SPATC1: variants seen among roughly 807,000 people sequenced by gnomAD.
SPATC1 encodes speriolin.
Under a neutral mutation model 36.5 loss-of-function variants are expected in SPATC1, and 35 were observed. That is an observed-to-expected ratio of 0.96 (90% CI 0.73 to 1.27). The LOEUF (loss-of-function observed/expected upper bound fraction) is 1.27. Among genes scored for constraint, SPATC1 ranks in the 50% most tolerant of loss-of-function variants. SPATC1 has a pLI of 0.00. For missense variants in SPATC1, 779 were observed against 796.0 expected, an observed-to-expected ratio of 0.98 and a Z score of 0.26; for synonymous variants, 361 against 353.6, an observed-to-expected ratio of 1.02 and a Z score of -0.24.
chr8:144,019,041 CAAAAAA>C (rs1212175839), intron 1 of SPATC1, among the ~76,000 whole-genome samples: 1 of 56,370 alleles, frequency 1.8e-5, no homozygotes, highest in African/African-American at 5.9e-5. Context: ...GACTCCGTCT[CAAAAAA>C]AAAAAAAAAA....
chr8:144,036,184 A>T (rs940757992), intron 1 of SPATC1, among the ~76,000 whole-genome samples: 8 of 152,298 alleles, frequency 5.3e-5, no homozygotes, highest in African/African-American at 1.7e-4. Flanking sequence ...CTGAGGCAGG[A>T]GGATTGCTTG....
chr8:144,045,275 T>A lies in SPATC1; in HGVS notation c.1447-1352T>A, dbSNP rs1835228945. Among the ~76,000 whole-genome samples the A allele has an allele frequency of 6.6e-6, 1 of 152,096 alleles. No homozygotes were observed. Among genetic ancestry groups the A allele is most frequent in the Non-Finnish European group, 1.5e-5 (1 of 68,034 alleles). On this transcript the variant is annotated intron_variant, in intron 4 of 4. Transcript: ENST00000377470. This position sits in a 1 kb window ranked among gnomAD's most constrained non-coding sequence, Gnocchi z 5.2. ...CTAGAAGGCTCAGGAGCCAAGAACC[T>A]CCAGCTGGGGAGAGACAGGCGCATC...
At chr8:144,030,825 C>G (rs1834778983) in intron 1 of SPATC1, among the ~76,000 whole-genome samples, 1 of 151,928 alleles carries the variant, frequency 6.6e-6, no homozygotes, top group African/African-American at 2.4e-5. Flanking sequence ...CTGGGGGTCA[C>G]AATAAACATC....
chr8:144,044,502 G>A (rs147260558), intron 4 of SPATC1, among the ~76,000 whole-genome samples: 74 of 150,762 alleles, frequency 4.9e-4, no homozygotes, highest in African/African-American at 1.6e-3. Flanking sequence ...TAAAGACGGG[G>A]TTTCACAGTG....
At position 144,046,934 on chromosome 8, in the gene SPATC1, G is replaced by C; in HGVS notation, c.1754G>C (p.Gly585Ala). The change falls in exon 5 of 5, where the codon GGC (glycine) becomes GCC (alanine). Residue 585 changes from glycine (G) to alanine (A), a missense_variant. Physicochemically the swap from Gly to Ala is moderately conservative, Grantham distance 60. Transcript: ENST00000377470. The surrounding 1 kb of genome is among the most constrained non-coding windows in gnomAD (Gnocchi z 6.6). ...SCLSQLAHDD[G>A]KPMFIW ...CTCAGCCAGCTGGCGCACGATGACG[G>C]CAAGCCCATGTTCATCTGGTGACGC... 3 of 1,597,840 alleles carry C rather than the reference G, an allele frequency of 1.9e-6. No individual in the cohort carries two copies. The highest frequency in any genetic ancestry group is 1.3e-5 in the African/African-American group (1 of 75,040).
At chr8:144,025,585 G>A (rs1029318915) in intron 1 of SPATC1, among the ~76,000 whole-genome samples, 6 of 152,106 alleles carry the variant, frequency 3.9e-5, no homozygotes, top group Non-Finnish European at 7.3e-5. Flanking sequence ...AATATCATGC[G>A]ACGGGACTGA....
chr8:144,033,695 T>C (rs1208902319), intron 1 of SPATC1, among the ~76,000 whole-genome samples: 3 of 152,090 alleles, frequency 2.0e-5, no homozygotes, highest in Non-Finnish European at 4.4e-5. Flanking sequence ...TGAAAGCAGA[T>C]GTGACTGGCC....
intron 1 of SPATC1, among the ~76,000 whole-genome samples, chr8:144,021,118 CA>C (rs2133107090): frequency 1.2e-3 from 3 of 2,424 alleles, no homozygotes; most frequent in Admixed American, 4.3e-3. Flanking sequence ...CACTTTCTCC[CA>C]TGAGGATTCT....
Position 144,012,595 on chromosome 8 carries a change from TGGTGC to T in SPATC1, c.83_87del (p.Val28AlafsTer30). On this transcript the variant is annotated frameshift_variant, in exon 1 of 5. Coordinates refer to ENST00000377470, the MANE Select transcript of SPATC1 (RefSeq NM_198572.3). LOFTEE classifies it high-confidence loss of function. ...CGGGAAAATGAGGAACTGAAGAAGT[TGGTGC>T]GGCTCATTCGGGAGAATCACGAGCT... 1.3e-6 allele frequency: 2 copies of T among 1,551,680 alleles called. No individual in the cohort carries two copies. The highest frequency in any genetic ancestry group is 4.9e-5 in the East Asian group (2 of 40,910).
chr8:144,043,830 G>A (rs1335968625), intron 4 of SPATC1, among the ~76,000 whole-genome samples: 1 of 151,894 alleles, frequency 6.6e-6, no homozygotes, highest in Non-Finnish European at 1.5e-5. Context: ...CCACTCACTT[G>A]CCGTGGAGCC....
chr8:144,011,442 C>T (rs567149326), upstream of SPATC1, among the ~76,000 whole-genome samples: 1 of 152,158 alleles, frequency 6.6e-6, no homozygotes, highest in African/African-American at 2.4e-5. The surrounding 1 kb of genome is among the most constrained non-coding windows in gnomAD (Gnocchi z 4.5). Flanking sequence ...CCTTCTTCCC[C>T]TTCCTCATTC....
At position 144,028,360 on chromosome 8, in the gene SPATC1, G is replaced by GA. The variant is rs1184295434; in HGVS notation, c.212-11538dup. Among the ~76,000 whole-genome samples the GA allele has an allele frequency of 2.3e-4, 34 of 145,864 alleles. 1 individual carries two copies. Among genetic ancestry groups the GA allele is most frequent in the Admixed American group, 6.3e-4 (9 of 14,396 alleles). ...ACAAGGAACTCAAACAAATTTACAA[G>GA]AAAAAAAAAAACCCATTAAAAAGTG... On this transcript the variant is annotated intron_variant, in intron 1 of 4. Coordinates refer to ENST00000377470, the MANE Select transcript of SPATC1 (RefSeq NM_198572.3).
At position 144,012,505 on chromosome 8, in the gene SPATC1, T is replaced by G; in HGVS notation, c.-11T>G. On this transcript the variant is annotated 5_prime_UTR_variant, in exon 1 of 5. Transcript: ENST00000377470. ...CTCCCGTGGGCCGCACCCTTGCCAC[T>G]GCCCCAGGGCATGTCTCTACTCACC... 6.4e-7 allele frequency: 1 copy of G among 1,551,516 alleles called. No individual in the cohort carries two copies. The highest frequency in any genetic ancestry group is 2.4e-5 in the East Asian group (1 of 40,914).
chr8:144,044,604 G>A (rs1038098750), intron 4 of SPATC1, among the ~76,000 whole-genome samples: 9 of 150,274 alleles, frequency 6.0e-5, no homozygotes, highest in South Asian at 2.1e-4. Flanking sequence ...CACCAAGCCC[G>A]GCCCTTGAAG....
chr8:144,023,910 C>T (rs1286896426), intron 1 of SPATC1, among the ~76,000 whole-genome samples: 3 of 146,014 alleles, frequency 2.1e-5, no homozygotes, highest in Non-Finnish European at 3.0e-5. Context: ...AACCCTCTTC[C>T]CTGAGGACCC....
At chr8:144,037,113 G>A (rs1243489025) in intron 1 of SPATC1, among the ~76,000 whole-genome samples, 1 of 113,744 alleles carries the variant, frequency 8.8e-6, no homozygotes, top group East Asian at 3.3e-4. Context: ...GCTGACCCCC[G>A]CCCGGCAAGC....
At chr8:144,017,013 T>C (rs782452896) in intron 1 of SPATC1, among the ~76,000 whole-genome samples, 1 of 152,058 alleles carries the variant, frequency 6.6e-6, no homozygotes, top group Non-Finnish European at 1.5e-5. Context: ...ATGGGGGAAA[T>C]GGATTGGAGG....
Position 144,046,541 on chromosome 8 carries a change from C to T in SPATC1, c.1447-86C>T. The T allele has an allele frequency of 7.8e-7, 1 of 1,283,238 alleles. No individual in the cohort carries two copies. Among genetic ancestry groups the T allele is most frequent in the Non-Finnish European group, 1.1e-6 (1 of 920,970 alleles). 79.5% of individuals were successfully genotyped at this position (1,283,238 alleles called of 1,614,324 possible). A position where few individuals can be genotyped will look rare whatever the true frequency, so the allele number is the denominator to read the frequency against. ...CCCTCGGATCCTGGCCATCTCACAGCCTCACCTGCCCCTCGGTCTTCCCCT... is the reference window on the plus strand; with the variant it reads ...CCCTCGGATCCTGGCCATCTCACAGTCTCACCTGCCCCTCGGTCTTCCCCT... On this transcript the variant is annotated intron_variant, in intron 4 of 4. Transcript: ENST00000377470. This position sits in a 1 kb window ranked among gnomAD's most constrained non-coding sequence, Gnocchi z 6.6.
At chr8:144,025,393 T>C (rs1261750585) in intron 1 of SPATC1, among the ~76,000 whole-genome samples, 2 of 152,250 alleles carry the variant, frequency 1.3e-5, no homozygotes, top group Non-Finnish European at 1.5e-5. Flanking sequence ...CAAACCTTGC[T>C]GAGAGACCTA....
Sources: allele counts gnomAD v4.1 joint callset (sites outside exome capture counted in the v4.1 genomes callset), GRCh38; gene constraint gnomAD v4.1.1; non-coding constraint Gnocchi (gnomAD v3.1); transcripts MANE v1.5; gene names NCBI Gene and HGNC (gene_info 2026-07-23, HGNC 2026-07-21).